Variants in TET3 observed in about 807,000 individuals in gnomAD.
The protein encoded by TET3 is tet methylcytosine dioxygenase 3.
Under a neutral mutation model 141.4 loss-of-function variants are expected in TET3, and 19 were observed. The observed-to-expected ratio is 0.13, with a 90% CI of 0.09 to 0.20. The LOEUF (loss-of-function observed/expected upper bound fraction) is 0.20. Ranked by LOEUF, TET3 falls within the 10% of genes least tolerant of loss-of-function variation. TET3 has a pLI of 1.00. For missense variants in TET3, 1,874 were observed against 2,356.9 expected, an observed-to-expected ratio of 0.80 and a Z score of 4.24; for synonymous variants, 1,043 against 980.9, an observed-to-expected ratio of 1.06 and a Z score of -1.18.
intron 3 of TET3, among the ~76,000 whole-genome samples, chr2:74,003,600 C>G (rs1468821367): frequency 6.7e-6 from 1 of 150,052 alleles, no homozygotes; most frequent in East Asian, 2.0e-4. Context: ...GAATTGCGCT[C>G]CTGAGTCTGA....
downstream of TET3, among the ~76,000 whole-genome samples, chr2:74,110,288 T>C (rs904379297): frequency 6.6e-6 from 1 of 152,068 alleles, no homozygotes; most frequent in Non-Finnish European, 1.5e-5. Context: ...CCACTCTCCC[T>C]GCCTATTTTG....
chr2:73,987,819 G>A (rs1684119545), intron 2 of TET3, among the ~76,000 whole-genome samples: 2 of 152,202 alleles, frequency 1.3e-5, no homozygotes, highest in African/African-American at 4.8e-5. Context: ...TTGCTTCTGA[G>A]GACTCGGGTC....
intron 5 of TET3, among the ~76,000 whole-genome samples, chr2:74,078,806 T>TA (rs1487906681): frequency 6.6e-6 from 1 of 152,236 alleles, no homozygotes; most frequent in Non-Finnish European, 1.5e-5. Flanking sequence ...AATACAAGGT[T>TA]ATAGTATGCT....
At chr2:74,054,710 A>T (rs1056524613) in intron 4 of TET3, among the ~76,000 whole-genome samples, 3 of 152,196 alleles carry the variant, frequency 2.0e-5, no homozygotes, top group African/African-American at 7.2e-5. Flanking sequence ...GAAGAAATTG[A>T]GGAGAGGGTA....
chr2:74,077,806 C>T (rs1435524634), intron 5 of TET3, among the ~76,000 whole-genome samples: 2 of 152,182 alleles, frequency 1.3e-5, no homozygotes, highest in African/African-American at 2.4e-5. Context: ...ATAGTGCTTC[C>T]GTCTCAGCGA....
At chr2:74,135,015 T>G in the TET3 span, 1 of 269,036 alleles carries the variant, frequency 3.7e-6, no homozygotes, top group South Asian at 3.8e-5. Context: ...CCTTTTCAGC[T>G]TCTGTCGTGG....
At chr2:74,027,651 A>G (rs1427857300) in intron 3 of TET3, among the ~76,000 whole-genome samples, 1 of 152,198 alleles carries the variant, frequency 6.6e-6, no homozygotes, top group Non-Finnish European at 1.5e-5. Context: ...CTGACTTAGC[A>G]TAACATTTTC....
intron 2 of TET3, among the ~76,000 whole-genome samples, chr2:73,996,906 T>C (rs1573642302): frequency 1.3e-5 from 2 of 152,022 alleles, no homozygotes; most frequent in Non-Finnish European, 2.9e-5. Flanking sequence ...TGGCCACAGG[T>C]ATGGGGGTTT....
At chr2:74,090,078 C>T (rs1488178911) in intron 8 of TET3, 31 bp downstream of exon 8, 2 of 1,609,040 alleles carry the variant, frequency 1.2e-6, no homozygotes, top group East Asian at 4.5e-5. Flanking sequence ...ACCCTGCCTC[C>T]CATCCTTTCT....
chr2:74,017,711 A>G (rs1478525747), intron 3 of TET3, among the ~76,000 whole-genome samples: 3 of 152,186 alleles, frequency 2.0e-5, no homozygotes, highest in Non-Finnish European at 4.4e-5. Flanking sequence ...GAGTACAGAC[A>G]TCTCTTTGAC....
intron 3 of TET3, among the ~76,000 whole-genome samples, chr2:74,029,099 A>G (rs887346283): frequency 9.2e-5 from 14 of 152,142 alleles, no homozygotes; most frequent in African/African-American, 3.4e-4. Context: ...CTTCTCCTCC[A>G]ATCTTGAAAG....
upstream of TET3, among the ~76,000 whole-genome samples, chr2:73,984,371 C>T (rs1034409513): frequency 6.6e-6 from 1 of 152,226 alleles, no homozygotes; most frequent in African/African-American, 2.4e-5. The surrounding 1 kb of genome is among the most constrained non-coding windows in gnomAD (Gnocchi z 5.6). Flanking sequence ...CCCTTCTTGC[C>T]GGCCAGGCTG....
chr2:74,120,469 C>T, the TET3 span, among the ~76,000 whole-genome samples: 1 of 152,232 alleles, frequency 6.6e-6, no homozygotes, highest in Admixed American at 6.5e-5. Flanking sequence ...TGTGCCTGGG[C>T]CGCTGGAGTC....
chr2:74,018,249 G>A (rs1685841030), intron 3 of TET3, among the ~76,000 whole-genome samples: 1 of 152,058 alleles, frequency 6.6e-6, no homozygotes, highest in African/African-American at 2.4e-5. Flanking sequence ...TTACAGGTGT[G>A]AGCCACCGTG....
rs1444108669 is a variant in TET3, at chr2:74,037,215, AACTCTCTTTCTGC to A, written c.361-9058_361-9046del. On this transcript the variant is annotated intron_variant, in intron 3 of 11. Coordinates refer to ENST00000409262, the MANE Select transcript of TET3 (RefSeq NM_001287491.2). ...ACCTCCTCTGCAAGGGTTCCCCTAA[AACTCTCTTTCTGC>A]ACTCGCTTATTAGTTTTATCAATAA... Among the ~76,000 whole-genome samples, 21 of 152,338 alleles carry A rather than the reference AACTCTCTTTCTGC, an allele frequency of 1.4e-4. No homozygotes were observed. The East Asian group carries it at 4.0e-3, about 29-fold the overall frequency.
chr2:74,049,937 C>A (rs1033097644), intron 4 of TET3, among the ~76,000 whole-genome samples: 32 of 152,018 alleles, frequency 2.1e-4, no homozygotes, highest in Admixed American at 5.2e-4. Context: ...TGACTAGTAA[C>A]GACATGACTT....
chr2:74,028,362 T>C (rs1458443878), intron 3 of TET3, among the ~76,000 whole-genome samples: 1 of 152,236 alleles, frequency 6.6e-6, no homozygotes, highest in East Asian at 1.9e-4. Context: ...GTTTATCTTT[T>C]TTCTTTTGGT....
chr2:74,042,910 A>G (rs947385689), intron 3 of TET3, among the ~76,000 whole-genome samples: 2 of 152,210 alleles, frequency 1.3e-5, no homozygotes, highest in African/African-American at 2.4e-5. Flanking sequence ...TCATATCTAC[A>G]TCTACTTTTC....
intron 2 of TET3, among the ~76,000 whole-genome samples, chr2:73,999,473 G>T (rs1007853340): frequency 6.6e-6 from 1 of 152,186 alleles, no homozygotes; most frequent in Non-Finnish European, 1.5e-5. Flanking sequence ...AATGTGTCTG[G>T]TTGTGTCTGT....
Sources: allele counts gnomAD v4.1 joint callset (sites outside exome capture counted in the v4.1 genomes callset), GRCh38; gene constraint gnomAD v4.1.1; non-coding constraint Gnocchi (gnomAD v3.1); transcripts MANE v1.5; gene names NCBI Gene and HGNC (gene_info 2026-07-23, HGNC 2026-07-21).